Variants in SDHB observed in about 807,000 individuals in gnomAD.
SDHB encodes the protein succinate dehydrogenase [ubiquinone] iron-sulfur subunit, mitochondrial.
A neutral mutation model predicts 39.7 loss-of-function variants in SDHB; 21 were observed. The ratio of observed to expected loss-of-function variants is 0.53; its 90% CI spans 0.37 to 0.76. SDHB has a LOEUF of 0.76. SDHB is among the 30% of genes least tolerant of loss of function. The pLI is 0.00. For missense variants in SDHB, 343 were observed against 350.9 expected (o/e 0.98, Z 0.18); for synonymous variants, 118 against 117.0 (o/e 1.01, Z -0.06).
chr1:17,046,404 A>G (rs908330053), intron 1 of SDHB, among the ~76,000 whole-genome samples: 5 of 152,080 alleles, frequency 3.3e-5, no homozygotes, highest in African/African-American at 9.7e-5. Flanking sequence ...ATAATTCATT[A>G]TAATAAAATT....
intron 2 of SDHB, among the ~76,000 whole-genome samples, chr1:17,036,510 A>G (rs2647157): frequency 0.68 from 102,975 of 151,562 alleles, 35,530 homozygotes; most frequent in Non-Finnish European, 0.72. Context: ...GTTTTGTCTT[A>G]TTGCCCATAT....
At chr1:17,024,269 C>T (rs1256932911) in intron 5 of SDHB, among the ~76,000 whole-genome samples, 195 bp from the exon 6 acceptor site, 1 of 152,210 alleles carries the variant, frequency 6.6e-6, no homozygotes, top group African/African-American at 2.4e-5. Flanking sequence ...GAAATGTAAA[C>T]ATCTGCCCAG....
At position 17,033,421 on chromosome 1, in the gene SDHB, T is replaced by G. The variant is rs1487582685; in HGVS notation, c.201-276A>C. ...ACACAACTTCCATACAGTGGCCGAG[T>G]TTTTGTTTTTTACTTCTGAAGCTCC... On this transcript the variant is annotated intron_variant, in intron 2 of 7. Transcript: ENST00000375499. Among the ~76,000 whole-genome samples the G allele has an allele frequency of 3.3e-5, 5 of 152,180 alleles. No individual in the cohort carries two copies. The South Asian group carries it at 1.0e-3, about 32-fold the overall frequency.
At chr1:17,019,198 T>C (rs912618437) in intron 7 of SDHB, among the ~76,000 whole-genome samples, 1 of 152,190 alleles carries the variant, frequency 6.6e-6, no homozygotes, top group African/African-American at 2.4e-5. Context: ...CCTTCTTGTG[T>C]GGCTCACTCT....
intron 6 of SDHB, 117 bp from the exon 7 acceptor site, chr1:17,022,847 C>G (rs746157069): frequency 8.2e-7 from 1 of 1,223,154 alleles, no homozygotes; most frequent in Non-Finnish European, 1.2e-6. Flanking sequence ...TTAGATGCCT[C>G]ATCTCCATAC....
chr1:17,030,630 T>G (rs2078017307), intron 3 of SDHB, among the ~76,000 whole-genome samples: 1 of 152,160 alleles, frequency 6.6e-6, no homozygotes, highest in Admixed American at 6.6e-5. Context: ...AGCTGTTTTT[T>G]GAAGATCATT....
At position 17,044,658 on chromosome 1, in the gene SDHB, C is replaced by T. The variant is rs775718442; in HGVS notation, c.200+103G>A. On this transcript the variant is annotated intron_variant, in intron 2 of 7. Coordinates refer to ENST00000375499, the MANE Select transcript of SDHB (RefSeq NM_003000.3). ...ATTCTTGTTTTAAAAACAGAGCCAT[C>T]GGATGATCTCAGATTTTTAAGCCTT... The T allele has an allele frequency of 1.8e-5, 24 of 1,357,260 alleles. 1 individual carries two copies. Among genetic ancestry groups the T allele is most frequent in the East Asian group, 2.3e-5 (1 of 43,556 alleles). 84.1% of individuals were successfully genotyped at this position (1,357,260 alleles called of 1,614,324 possible).
At chr1:17,029,097 T>TTTTG (rs2078008486) in intron 3 of SDHB, among the ~76,000 whole-genome samples, 1 of 138,090 alleles carries the variant, frequency 7.2e-6, no homozygotes, top group Admixed American at 7.3e-5. Flanking sequence ...CAGCCTGTTT[T>TTTTG]TTTTTTTTTT....
chr1:17,030,954 C>T (rs1557742240), intron 3 of SDHB, among the ~76,000 whole-genome samples: 1 of 142,020 alleles, frequency 7.0e-6, no homozygotes. Flanking sequence ...CTGGCCTCAC[C>T]TTTTTTTTTT....
At chr1:17,035,145 AT>A (rs1354402237) in intron 2 of SDHB, among the ~76,000 whole-genome samples, 45 of 152,264 alleles carry the variant, frequency 3.0e-4, no homozygotes, top group African/African-American at 1.1e-3. Context: ...TTGACTTCTA[AT>A]TTTGGTAACA....
intron 3 of SDHB, among the ~76,000 whole-genome samples, chr1:17,031,802 T>C (rs1304942722): frequency 6.6e-6 from 1 of 152,210 alleles, no homozygotes; most frequent in Non-Finnish European, 1.5e-5. Flanking sequence ...GCTTTTGTTT[T>C]ATCCCAGGTG....
chr1:17,018,990 T>G, intron 7 of SDHB, 32 bp from the exon 8 acceptor site: 1 of 1,521,236 alleles, frequency 6.6e-7, no homozygotes. Context: ...CAATAACAAA[T>G]GATAACTGAA....
chr1:17,019,914 G>C (rs2077951631), intron 7 of SDHB, among the ~76,000 whole-genome samples: 1 of 152,006 alleles, frequency 6.6e-6, no homozygotes, highest in African/African-American at 2.4e-5. Context: ...AAAAAATTTT[G>C]TTTGTAGAGA....
chr1:17,031,763 A>C (rs1348558039), intron 3 of SDHB, among the ~76,000 whole-genome samples: 1 of 152,114 alleles, frequency 6.6e-6, no homozygotes, highest in African/African-American at 2.4e-5. Flanking sequence ...AAAAAAGCTC[A>C]GTGTCCTCAC....
intron 2 of SDHB, among the ~76,000 whole-genome samples, chr1:17,034,268 C>T (rs1315450449): frequency 6.6e-6 from 1 of 152,020 alleles, no homozygotes; most frequent in East Asian, 1.9e-4. Context: ...CTGCCTCAGC[C>T]CCCCAGTAGC....
rs2101529019 is a variant in SDHB, at chr1:17,033,114, T to C, written c.232A>G (p.Lys78Glu). 1 of 1,613,842 alleles carries C rather than the reference T, an allele frequency of 6.2e-7. No homozygotes were observed. The highest frequency in any genetic ancestry group is 8.5e-7 in the Non-Finnish European group (1 of 1,179,730). Reference protein sequence around the residue: ...CGPMVLDALIKIKNEVDSTLT... With the variant: ...CGPMVLDALIEIKNEVDSTLT... ...GTAGAGTCAACTTCATTCTTAATCT[T>C]GATTAAAGCATCCAATACCATGGGG... Residue 78 changes from lysine (K) to glutamate (E), a missense_variant, in exon 3 of 8, where the codon AAG (lysine) becomes GAG (glutamate). Lys to Glu is a moderately conservative substitution (Grantham distance 56). Transcript: ENST00000375499.
At chr1:17,051,875 CTT>C (rs1179114343) in intron 1 of SDHB, among the ~76,000 whole-genome samples, 1 of 149,362 alleles carries the variant, frequency 6.7e-6, no homozygotes, top group South Asian at 2.1e-4. Flanking sequence ...GAGTTTCGCT[CTT>C]GTCGCCCAGG....
intron 3 of SDHB, among the ~76,000 whole-genome samples, chr1:17,031,124 G>C (rs2078020943): frequency 6.6e-6 from 1 of 151,846 alleles, no homozygotes. Context: ...AAGACAGTAA[G>C]ACTCTCCTTC....
chr1:17,048,792 C>T (rs1351607766), intron 1 of SDHB, among the ~76,000 whole-genome samples: 1 of 151,764 alleles, frequency 6.6e-6, no homozygotes. Context: ...CTCACTGCAA[C>T]CTCCACCTCC....
Sources: gnomAD v4.1 joint callset for allele counts (sites outside exome capture counted in the v4.1 genomes callset) on GRCh38, gnomAD v4.1.1 for gene constraint, MANE v1.5 for transcripts, NCBI Gene and HGNC (gene_info 2026-07-23, HGNC 2026-07-21) for gene names.